Variants in MREG observed in about 807,000 individuals in gnomAD.
The protein encoded by MREG is melanoregulin.
In MREG, 31 loss-of-function variants were observed where a neutral mutation model predicts 28.5. That is an observed-to-expected ratio of 1.09 (90% CI 0.82 to 1.47). MREG has a LOEUF of 1.47. Ranked by LOEUF, MREG falls within the 40% of genes most tolerant of loss-of-function variation. The pLI, the probability that MREG is intolerant of heterozygous loss-of-function variation, is 0.00. For missense variants in MREG, 256 were observed against 257.4 expected, an observed-to-expected ratio of 0.99 and a Z score of 0.04; for synonymous variants, 106 against 95.2, an observed-to-expected ratio of 1.11 and a Z score of -0.66.
intron 2 of MREG, among the ~76,000 whole-genome samples, chr2:215,987,201 C>T (rs1384109447): frequency 6.6e-6 from 1 of 151,482 alleles, no homozygotes; most frequent in Non-Finnish European, 1.5e-5. Context: ...ATATGCGATC[C>T]AATCTGTAGG....
intron 1 of MREG, among the ~76,000 whole-genome samples, chr2:216,006,548 G>A (rs1227882337): frequency 6.6e-6 from 1 of 152,220 alleles, no homozygotes; most frequent in East Asian, 1.9e-4. Context: ...GTTTCTGCAG[G>A]AAGCCACAGA....
At chr2:216,014,736 T>G (rs1694403080), upstream of MREG, among the ~76,000 whole-genome samples, 1 of 152,192 alleles carries the variant, frequency 6.6e-6, no homozygotes, top group African/African-American at 2.4e-5. Context: ...CAGGTGCCTT[T>G]TTAATTTTGA....
chr2:215,946,920 G>C lies in MREG; in HGVS notation c.346+103C>G, dbSNP rs537018640. ...AATTAGTACACAGTAGTCTTAATTA[G>C]GCAATTATTGACATTCCTTTTATAA... On this transcript the variant is annotated intron_variant, in intron 3 of 4. Transcript: ENST00000263268. The C allele has an allele frequency of 4.2e-6, 3 of 714,300 alleles. No individual in the cohort carries two copies. The South Asian group carries it at 5.1e-5, about 12-fold the overall frequency. The allele number at this position is 714,300 out of a possible 1,614,324, so 44.2% of individuals were successfully genotyped here. A position where few individuals can be genotyped will look rare whatever the true frequency, so the allele number is the denominator to read the frequency against.
In MREG at chr2:215,944,701, G is replaced by T; in HGVS notation, c.*162C>A. On this transcript the variant is annotated 3_prime_UTR_variant, in exon 5 of 5. Coordinates refer to ENST00000263268, the MANE Select transcript of MREG (RefSeq NM_018000.3). ...CAATGCAGCCTGCACAATTCATGGGGCAGGGTCCTCAGATTAAAGACTTTA... is the reference window on the plus strand; with the variant it reads ...CAATGCAGCCTGCACAATTCATGGGTCAGGGTCCTCAGATTAAAGACTTTA... 2 of 639,934 alleles carry T rather than the reference G, an allele frequency of 3.1e-6. No homozygotes were observed. The highest frequency in any genetic ancestry group is 4.8e-6 in the Non-Finnish European group (2 of 415,202). 39.6% of individuals were successfully genotyped at this position (639,934 alleles called of 1,614,324 possible).
At chr2:215,961,554 T>C (rs1243731156) in intron 2 of MREG, among the ~76,000 whole-genome samples, 1 of 152,024 alleles carries the variant, frequency 6.6e-6, no homozygotes, top group African/African-American at 2.4e-5. Flanking sequence ...GCCTCCCTAG[T>C]AGCTGAGATT....
intron 2 of MREG, among the ~76,000 whole-genome samples, chr2:215,989,758 T>C (rs1368372800): frequency 6.6e-6 from 1 of 151,594 alleles, no homozygotes; most frequent in East Asian, 1.9e-4. Flanking sequence ...TTCGCAAGTA[T>C]CAATAGCCAA....
intron 1 of MREG, among the ~76,000 whole-genome samples, chr2:216,006,251 G>A (rs1694151818): frequency 6.6e-6 from 1 of 152,148 alleles, no homozygotes. Flanking sequence ...GGCTTGCCGG[G>A]GAAGAAAACC....
chr2:215,947,846 G>A (rs1692361708), intron 2 of MREG, among the ~76,000 whole-genome samples: 1 of 152,174 alleles, frequency 6.6e-6, no homozygotes, highest in Non-Finnish European at 1.5e-5. Context: ...TGTAAAGGAG[G>A]CCATCATGTT....
rs751828299 is a variant in MREG, at chr2:215,944,830, G to A, written c.*33C>T. 8 of 1,555,612 alleles carry A rather than the reference G, an allele frequency of 5.1e-6. No homozygotes were observed. The South Asian group carries it at 8.2e-5, about 16-fold the overall frequency. ...TTTGGTTGACTGCTGAGTCCTCATG[G>A]AAGAATTCCCATTCTGCCCCTGAGC... On this transcript the variant is annotated 3_prime_UTR_variant, in exon 5 of 5. Transcript: ENST00000263268.
Position 215,991,815 on chromosome 2 carries a change from G to A in MREG, c.255+4491C>T, listed in dbSNP as rs576078144. Among the ~76,000 whole-genome samples, 15 of 152,128 alleles carry A rather than the reference G, an allele frequency of 9.9e-5. No homozygotes were observed. The South Asian group carries it at 1.5e-3, about 15-fold the overall frequency. On this transcript the variant is annotated intron_variant, in intron 2 of 4. Transcript: ENST00000263268. ...ATCTGGAAGAAATGGATAAATTCCCGGACACATACACACTCCTAAGACTAA... is the reference window on the plus strand; with the variant it reads ...ATCTGGAAGAAATGGATAAATTCCCAGACACATACACACTCCTAAGACTAA...
intron 1 of MREG, among the ~76,000 whole-genome samples, chr2:216,000,704 G>A (rs1291590871): frequency 6.6e-6 from 1 of 152,168 alleles, no homozygotes; most frequent in Non-Finnish European, 1.5e-5. Context: ...GGACACAGCA[G>A]TTGCCTTAAA....
chr2:215,970,932 C>T (rs1455604619), intron 2 of MREG, among the ~76,000 whole-genome samples: 2 of 152,262 alleles, frequency 1.3e-5, no homozygotes, highest in Non-Finnish European at 2.9e-5. Flanking sequence ...CACATATACA[C>T]TATGGAATAC....
At chr2:216,032,220 T>C (rs1324840915) in intron 1 of MREG, among the ~76,000 whole-genome samples, 1 of 152,218 alleles carries the variant, frequency 6.6e-6, no homozygotes, top group Non-Finnish European at 1.5e-5. Context: ...TACTTAGAAC[T>C]ACAAACTCTG....
At chr2:216,010,795 A>C (rs1332287188) in intron 1 of MREG, among the ~76,000 whole-genome samples, 4 of 151,818 alleles carry the variant, frequency 2.6e-5, no homozygotes, top group Admixed American at 2.6e-4. Context: ...ACTATTTTAC[A>C]GACAAATGAT....
intron 1 of MREG, among the ~76,000 whole-genome samples, chr2:216,011,162 T>C (rs1367564530): frequency 1.3e-5 from 2 of 151,620 alleles, no homozygotes; most frequent in African/African-American, 4.8e-5. Flanking sequence ...AACTACTGAA[T>C]TGCATACTTT....
rs765814082 is a variant in MREG at position 215,947,069 on chromosome 2, A to G, written c.300T>C (p.Val100=). The change falls in exon 3 of 5, where the codon GTT becomes GTC. Residue 100 remains valine (V), a synonymous_variant. Coordinates refer to ENST00000263268, the MANE Select transcript of MREG (RefSeq NM_018000.3). ...TCCATCTGTTTCTTACTTCCCTTCGAACCTGCCGCAGGGTATGGATATCAT... is the reference window on the plus strand; with the variant it reads ...TCCATCTGTTTCTTACTTCCCTTCGGACCTGCCGCAGGGTATGGATATCAT... ...LNYDIHTLRQ[V]RREVRNRWKC... 1 of 1,613,308 alleles carries G rather than the reference A, an allele frequency of 6.2e-7. No individual in the cohort carries two copies. The highest frequency in any genetic ancestry group is 8.5e-7 in the Non-Finnish European group (1 of 1,179,426).
At chr2:216,021,766 A>G (rs376375409) in intron 1 of MREG, among the ~76,000 whole-genome samples, 32 of 152,234 alleles carry the variant, frequency 2.1e-4, no homozygotes, top group African/African-American at 7.7e-4. Context: ...AATGGGAAGC[A>G]CTGCGTAAAC....
intron 2 of MREG, among the ~76,000 whole-genome samples, chr2:215,995,511 C>CCCCCCCG (rs146414052): frequency 6.2e-4 from 84 of 136,076 alleles, no homozygotes; most frequent in South Asian, 2.5e-3. Flanking sequence ...CCCACCCCAC[C>CCCCCCCG]CCCCGCCACC....
chr2:215,979,978 C>CAAA lies in MREG; in HGVS notation c.255+16325_255+16327dup, dbSNP rs5838560. ...GCAAGATGTGAAAAAAACAAACAAA[C>CAAA]AAAAAAAAAAAACAAAAAAAACTAA... On this transcript the variant is annotated intron_variant, in intron 2 of 4. Coordinates refer to ENST00000263268, the MANE Select transcript of MREG (RefSeq NM_018000.3). Among the ~76,000 whole-genome samples the CAAA allele has an allele frequency of 5.1e-3, 733 of 143,408 alleles. 2 individuals are homozygous for CAAA. The highest frequency in any genetic ancestry group is 0.018 in the African/African-American group (681 of 38,558). 94.1% of individuals were successfully genotyped at this position (143,408 alleles called of 152,430 possible).
Sources: gnomAD v4.1 joint callset for allele counts (sites outside exome capture counted in the v4.1 genomes callset) on GRCh38, gnomAD v4.1.1 for gene constraint, MANE v1.5 for transcripts, NCBI Gene and HGNC (gene_info 2026-07-23, HGNC 2026-07-21) for gene names.